The following ST8SIA2 variants were observed in gnomAD, a reference collection of about 807,000 sequenced individuals.
The protein encoded by ST8SIA2 is alpha-2,8-sialyltransferase 8B.
ST8SIA2 carries 22 observed loss-of-function variants against 37.6 expected under a neutral mutation model. That is an observed-to-expected ratio of 0.58 (90% CI 0.42 to 0.83). The LOEUF (loss-of-function observed/expected upper bound fraction) is 0.83, where lower values mean the gene tolerates loss of function less well. Among genes scored for constraint, ST8SIA2 ranks in the 40% least tolerant of loss-of-function variants. The probability of loss-of-function intolerance (pLI) is 0.00; values close to 1 mark genes in which losing one functional copy is unlikely to be tolerated. For synonymous variants in ST8SIA2, 205 were observed against 201.2 expected (o/e 1.02, Z -0.16); for missense variants, 382 against 484.7 (o/e 0.79, Z 1.99).
intron 1 of ST8SIA2, among the ~76,000 whole-genome samples, chr15:92,401,027 C>T (rs992231505): frequency 1.1e-4 from 16 of 152,104 alleles, no homozygotes; most frequent in African/African-American, 3.4e-4. Flanking sequence ...ATCCTCATGA[C>T]GGGTCAAGAC....
At chr15:92,407,653 G>A (rs4777973) in intron 1 of ST8SIA2, among the ~76,000 whole-genome samples, 60,319 of 152,024 alleles carry the variant, frequency 0.4, 12,796 homozygotes, top group East Asian at 0.6. Context: ...AAAAAGCAGG[G>A]GAATGGAGAG....
Position 92,438,580 on chromosome 15 carries a change from A to G in ST8SIA2, c.518A>G (p.Gln173Arg). The G allele has an allele frequency of 6.2e-7, 1 of 1,611,552 alleles. No homozygotes were observed. ...SGVLLNSGCG[Q>R]EIDAHSFVIR... ...GTCTTGCTGAACAGCGGCTGTGGGCAGGAGATTGACGCCCACAGCTTCGTC... is the reference window on the plus strand; with the variant it reads ...GTCTTGCTGAACAGCGGCTGTGGGCGGGAGATTGACGCCCACAGCTTCGTC... Residue 173 changes from glutamine (Q) to arginine (R), a missense_variant, in exon 4 of 6, where the codon CAG (glutamine) becomes CGG (arginine). By Grantham distance (43) the Gln-to-Arg change is conservative. Transcript: ENST00000268164.
intron 1 of ST8SIA2, among the ~76,000 whole-genome samples, chr15:92,426,798 G>T (rs1034799658): frequency 2.0e-5 from 3 of 152,206 alleles, no homozygotes; most frequent in East Asian, 1.9e-4. Flanking sequence ...ACAAAAAATG[G>T]TAAGTGTGGG....
chr15:92,408,075 A>C (rs1219862321), intron 1 of ST8SIA2, among the ~76,000 whole-genome samples: 1 of 152,160 alleles, frequency 6.6e-6, no homozygotes, highest in East Asian at 1.9e-4. Flanking sequence ...TGACTGAGTT[A>C]ATCCTTCAGA....
intron 5 of ST8SIA2, 138 bp downstream of exon 5, chr15:92,445,067 C>G: frequency 8.0e-7 from 1 of 1,253,824 alleles, no homozygotes. Flanking sequence ...GTCACCTGGC[C>G]TTTCTGAGCC....
At chr15:92,427,260 CAAAAAAAAA>C (rs55783719) in intron 1 of ST8SIA2, among the ~76,000 whole-genome samples, 493 of 102,630 alleles carry the variant, frequency 4.8e-3, no homozygotes, top group Non-Finnish European at 7.5e-3. Flanking sequence ...GGGCACTTGG[CAAAAAAAAA>C]AAAAAAAAAA....
intron 4 of ST8SIA2, among the ~76,000 whole-genome samples, chr15:92,441,941 T>C (rs1265496992): frequency 6.6e-6 from 1 of 152,148 alleles, no homozygotes; most frequent in African/African-American, 2.4e-5. Flanking sequence ...TGCAGAGTAC[T>C]CTTCAATGTG....
intron 5 of ST8SIA2, among the ~76,000 whole-genome samples, chr15:92,454,325 T>TG (rs2049903763): frequency 6.6e-6 from 1 of 152,056 alleles, no homozygotes; most frequent in South Asian, 2.1e-4. Flanking sequence ...CCCCCCTCTT[T>TG]GCAAGGACAT....
chr15:92,436,736 C>A (rs950093787), intron 3 of ST8SIA2, among the ~76,000 whole-genome samples: 2 of 152,080 alleles, frequency 1.3e-5, no homozygotes, highest in African/African-American at 4.8e-5. Flanking sequence ...TCAACAGATA[C>A]GAATTATTCT....
intron 5 of ST8SIA2, among the ~76,000 whole-genome samples, chr15:92,462,042 A>C (rs1376509341): frequency 2.6e-5 from 4 of 152,162 alleles, no homozygotes; most frequent in Non-Finnish European, 5.9e-5. Context: ...AAATCAGAGA[A>C]AGTGCGAGGA....
chr15:92,440,757 T>C (rs916331997), intron 4 of ST8SIA2, among the ~76,000 whole-genome samples: 4 of 152,114 alleles, frequency 2.6e-5, no homozygotes, highest in Non-Finnish European at 5.9e-5. Context: ...CATCTAGGAG[T>C]TTATTCCGTG....
intron 1 of ST8SIA2, among the ~76,000 whole-genome samples, chr15:92,407,078 C>A (rs1183797461): frequency 6.6e-6 from 1 of 151,652 alleles, no homozygotes; most frequent in African/African-American, 2.4e-5. Flanking sequence ...GGTTGGATTC[C>A]TGAGTGTATG....
chr15:92,396,961 G>A (rs2049436565), intron 1 of ST8SIA2, among the ~76,000 whole-genome samples: 1 of 152,184 alleles, frequency 6.6e-6, no homozygotes, highest in African/African-American at 2.4e-5. Context: ...GGCACAAGAG[G>A]CTTTTGCACC....
At chr15:92,442,766 A>G (rs558824856) in intron 4 of ST8SIA2, among the ~76,000 whole-genome samples, 1 of 152,346 alleles carries the variant, frequency 6.6e-6, no homozygotes, top group Admixed American at 6.5e-5. Context: ...TACAATGTTT[A>G]GCCACAGTCA....
At chr15:92,449,735 C>T (rs62021048) in intron 5 of ST8SIA2, among the ~76,000 whole-genome samples, 5,032 of 152,228 alleles carry the variant, frequency 0.033, 130 homozygotes, top group Non-Finnish European at 0.054. Flanking sequence ...TTTTGATTTG[C>T]ATTTCTCTGA....
rs930143041 is a variant in ST8SIA2, at chr15:92,464,337, G to T, written c.1080G>T (p.Glu360Asp). 2.5e-6 allele frequency: 4 copies of T among 1,613,948 alleles called. No homozygotes were observed. In the African/African-American group the frequency reaches 5.3e-5, roughly 22 times the overall value. Residue 360 changes from glutamate (E) to aspartate (D), a missense_variant, in exon 6 of 6, where the codon GAG becomes GAT. By Grantham distance (45) the Glu-to-Asp change is conservative. Coordinates refer to ENST00000268164, the MANE Select transcript of ST8SIA2 (RefSeq NM_006011.4). The stretch of plus-strand genomic sequence containing the variant: ...TTAAGGCCCTCAAGAGCCTACATGA[G>T]CAGGGGGCTTTGAAACTGACTGTCG... ...LEFKALKSLH[E>D]QGALKLTVGQ...
intron 1 of ST8SIA2, among the ~76,000 whole-genome samples, chr15:92,395,291 G>A (rs557902977): frequency 6.6e-6 from 1 of 152,190 alleles, no homozygotes; most frequent in African/African-American, 2.4e-5. Context: ...CGCCGCGTGC[G>A]CCCCTCCTTT....
intron 1 of ST8SIA2, among the ~76,000 whole-genome samples, chr15:92,394,583 G>C (rs1404395792): frequency 6.6e-6 from 1 of 152,132 alleles, no homozygotes; most frequent in Non-Finnish European, 1.5e-5. Flanking sequence ...TTGGCAAAGT[G>C]GGCAGGGGGC....
At chr15:92,401,270 G>A (rs1040072851) in intron 1 of ST8SIA2, among the ~76,000 whole-genome samples, 2 of 152,188 alleles carry the variant, frequency 1.3e-5, no homozygotes, top group Admixed American at 6.5e-5. Context: ...GCCTGTGGCC[G>A]GCCGGCTGAC....
Sources: gnomAD v4.1 joint callset for allele counts (sites outside exome capture counted in the v4.1 genomes callset) on GRCh38, gnomAD v4.1.1 for gene constraint, MANE v1.5 for transcripts, NCBI Gene and HGNC (gene_info 2026-07-23, HGNC 2026-07-21) for gene names.